The following ALG13 variants were observed in gnomAD, a reference collection of about 807,000 sequenced individuals.
The protein encoded by ALG13 is ALG13 UDP-N-acetylglucosaminyltransferase subunit.
Under a neutral mutation model 87.8 loss-of-function variants are expected in ALG13, and 11 were observed. The ratio of observed to expected loss-of-function variants is 0.13; its 90% CI spans 0.08 to 0.21. The LOEUF (loss-of-function observed/expected upper bound fraction) is 0.21, where lower values mean the gene tolerates loss of function less well. ALG13 is among the 10% of genes least tolerant of loss of function. The pLI, the probability that ALG13 is intolerant of heterozygous loss-of-function variation, is 1.00. For missense variants in ALG13, 756 were observed against 866.1 expected (o/e 0.87, Z 1.60); for synonymous variants, 320 against 306.3 (o/e 1.04, Z -0.47).
intron 5 of ALG13, among the ~76,000 whole-genome samples, chrX:111,709,460 T>G (rs1939349517): frequency 8.9e-6 from 1 of 112,199 alleles, no homozygotes; most frequent in Admixed American, 9.4e-5. Context: ...ATTTTCTTGC[T>G]TAATCCTGTG....
chrX:111,707,541 G>A (rs1939004277), intron 3 of ALG13, among the ~76,000 whole-genome samples: 1 of 111,706 alleles, frequency 9.0e-6, no homozygotes, highest in African/African-American at 3.3e-5. Context: ...GCCCTCTGCC[G>A]CTATAGATTA....
In ALG13 at chrX:111,757,672, A is replaced by G. The variant is rs3027818; in HGVS notation, c.3058A>G (p.Thr1020Ala). ...TCATGTAGAGAATTATCCAGTCTATACTGAGCCACCTCTGGTAGATCAAAC... is the reference window on the plus strand; with the variant it reads ...TCATGTAGAGAATTATCCAGTCTATGCTGAGCCACCTCTGGTAGATCAAAC... The part of the protein sequence containing the change: ...QLHVENYPVY[T>A]EPPLVDQTVP... Residue 1020 changes from threonine (T) to alanine (A), a missense_variant, in exon 26 of 27, where the codon ACT (threonine) becomes GCT (alanine). Around this residue, in one of 9 missense-constraint regions of ALG13, gnomAD observed 110 missense variants for 104.9 expected, o/e 1.05. Transcript: ENST00000394780. 321 of 1,207,107 alleles carry G rather than the reference A, an allele frequency of 2.7e-4. No individual in the cohort carries two copies. In the South Asian group the frequency reaches 4.8e-3, roughly 18 times the overall value.
At chrX:111,712,255 A>C (rs1446240858) in intron 6 of ALG13, among the ~76,000 whole-genome samples, 2 of 111,589 alleles carry the variant, frequency 1.8e-5, no homozygotes, top group East Asian at 5.6e-4. Context: ...TCTCCTATTA[A>C]CTGTCCTTAT....
intron 3 of ALG13, among the ~76,000 whole-genome samples, chrX:111,705,490 G>A (rs965555563): frequency 2.7e-5 from 3 of 111,274 alleles, no homozygotes; most frequent in East Asian, 2.8e-4. Flanking sequence ...TGATAAAATC[G>A]AGTTAATTTT....
intron 3 of ALG13, among the ~76,000 whole-genome samples, chrX:111,691,343 C>T (rs1936113778): frequency 9.0e-6 from 1 of 111,188 alleles, no homozygotes; most frequent in East Asian, 2.8e-4. Context: ...TCAGGTGATC[C>T]TCCCACCTTG....
In ALG13 at chrX:111,757,728, A is replaced by C. The variant is rs1362271060; in HGVS notation, c.3114A>C (p.Arg1038Ser). 1 of 1,210,000 alleles carries C rather than the reference A, an allele frequency of 8.3e-7. No individual in the cohort carries two copies. Residue 1038 changes from arginine (R) to serine (S), a missense_variant, in exon 26 of 27, where the codon AGA (arginine) becomes AGC (serine). Physicochemically the swap from Arg to Ser is moderately radical, Grantham distance 110. Around this residue, in one of 9 missense-constraint regions of ALG13, gnomAD observed 110 missense variants for 104.9 expected, o/e 1.05. Transcript: ENST00000394780. ...TVPQCYSEVR[R>S]EDGIQAEASA... ...CTCAATGCTACAGTGAGGTGAGGAG[A>C]GAAGATGGCATACAGGCGGAAGCAT... is the stretch of plus-strand genomic sequence containing the variant.
In ALG13 at chrX:111,718,300, G is replaced by C. The variant is rs775681955; in HGVS notation, c.1250+26G>C. On this transcript the variant is annotated intron_variant, in intron 10 of 26. Transcript: ENST00000394780. ...GTAATAAAGGGAAAGGGGATATCAT[G>C]ATAATTATGTTTCATACTTCTGTGC... is the stretch of plus-strand genomic sequence containing the variant. 7.0e-6 allele frequency: 8 copies of C among 1,143,907 alleles called. 1 individual carries two copies. In the South Asian group the frequency reaches 1.6e-4, roughly 23 times the overall value. The allele number at this position is 1,143,907 out of a possible 1,213,427, so 94.3% of individuals were successfully genotyped here. A position where few individuals can be genotyped will look rare whatever the true frequency, so the allele number is the denominator to read the frequency against.
At chrX:111,684,039 C>G (rs181667111) in intron 2 of ALG13, among the ~76,000 whole-genome samples, 1 of 112,255 alleles carries the variant, frequency 8.9e-6, no homozygotes, top group East Asian at 2.8e-4. Context: ...TAGAGTTTTT[C>G]AACTTTATGG....
Position 111,740,654 on chromosome X carries a change from A to C in ALG13, c.2695+3775A>C, listed in dbSNP as rs747920194. On this transcript the variant is annotated intron_variant, in intron 23 of 26. Transcript: ENST00000394780. ...TAGCAAGGAACATATCAAAGAGTATAGGCATTATGTCAGAAGGACTCAGAA... is the reference window on the plus strand; with the variant it reads ...TAGCAAGGAACATATCAAAGAGTATCGGCATTATGTCAGAAGGACTCAGAA... 8.1e-5 allele frequency among the ~76,000 whole-genome samples: 9 copies of C among 111,213 alleles called. No individual in the cohort carries two copies. In the South Asian group the frequency reaches 3.4e-3, roughly 42 times the overall value.
rs1476078391 is a variant in ALG13 at position 111,686,255 on chromosome X, T to C, written c.383+1152T>C. On this transcript the variant is annotated intron_variant, in intron 3 of 26. Transcript: ENST00000394780. ...AAGTAAATGCCTCATAGAATTACTA[T>C]ATATGTGTATATATATATTTATTTA... The C allele has an allele frequency of 9.6e-6, 4 of 416,987 alleles. No individual in the cohort carries two copies. The African/African-American group carries it at 1.0e-4, about 11-fold the overall frequency. 34.4% of individuals were successfully genotyped at this position (416,987 alleles called of 1,213,427 possible).
intron 3 of ALG13, among the ~76,000 whole-genome samples, chrX:111,698,471 T>C (rs1937275392): frequency 1.8e-5 from 2 of 111,482 alleles, no homozygotes; most frequent in African/African-American, 3.3e-5. Flanking sequence ...GTCCTCTGTC[T>C]GTCTGAAGCT....
In ALG13 at chrX:111,744,994, G is replaced by A. The variant is rs190310678; in HGVS notation, c.2932+90G>A. Reference sequence around the variant, plus strand: ...CTCTTTGGTTGACCTATTGGGGAATGGGGAACCAAATGAAAATTGACTTGA... The same window carrying A: ...CTCTTTGGTTGACCTATTGGGGAATAGGGAACCAAATGAAAATTGACTTGA... On this transcript the variant is annotated intron_variant, in intron 24 of 26. Transcript: ENST00000394780. 1.3e-5 allele frequency: 10 copies of A among 777,335 alleles called. No individual in the cohort carries two copies. The East Asian group carries it at 3.4e-4, about 26-fold the overall frequency. The allele number at this position is 777,335 out of a possible 1,213,427, so 64.1% of individuals were successfully genotyped here. A position where few individuals can be genotyped will look rare whatever the true frequency, so the allele number is the denominator to read the frequency against.
intron 23 of ALG13, among the ~76,000 whole-genome samples, chrX:111,743,069 C>A (rs192624594): frequency 2.1e-3 from 235 of 111,626 alleles, no homozygotes; most frequent in African/African-American, 7.5e-3. Context: ...GACAAAGTAA[C>A]CTCCAAATTG....
At chrX:111,689,428 A>ATT (rs1935730662) in intron 3 of ALG13, 3 of 751,110 alleles carry the variant, frequency 4.0e-6, no homozygotes, top group African/African-American at 2.3e-5. Context: ...GTCTACTCAA[A>ATT]TATCAGACAA....
intron 24 of ALG13, among the ~76,000 whole-genome samples, chrX:111,747,845 G>A (rs959481656): frequency 2.7e-5 from 3 of 112,099 alleles, no homozygotes; most frequent in African/African-American, 9.7e-5. Context: ...TATTGAGTAA[G>A]AATATGTTTT....
chrX:111,717,084 A>G (rs989219987), intron 8 of ALG13: 1 of 111,001 alleles, frequency 9.0e-6, no homozygotes, highest in Non-Finnish European at 1.9e-5. Context: ...CTATAGGCAC[A>G]CACCATCCCA....
At chrX:111,690,008 A>G in intron 3 of ALG13, 1 of 751,194 alleles carries the variant, frequency 1.3e-6, no homozygotes, top group Non-Finnish European at 1.6e-6. Context: ...TAGGATTGAT[A>G]GTAGATTGAA....
chrX:111,727,201 T>C (rs747067954), intron 16 of ALG13, 131 bp from the exon 17 acceptor site: 1 of 891,253 alleles, frequency 1.1e-6, no homozygotes, highest in African/African-American at 2.0e-5. Flanking sequence ...CTAATGCCAG[T>C]ATTGCAGAGA....
At chrX:111,694,107 G>T (rs767786934) in intron 3 of ALG13, among the ~76,000 whole-genome samples, 1 of 109,456 alleles carries the variant, frequency 9.1e-6, no homozygotes, top group South Asian at 4.0e-4. Context: ...GCAGTGGCGC[G>T]GTCTCTGCTC....
Sources: allele counts gnomAD v4.1 joint callset (sites outside exome capture counted in the v4.1 genomes callset), GRCh38; gene constraint gnomAD v4.1.1; regional missense constraint gnomAD v4.1.1; transcripts MANE v1.5; gene names NCBI Gene and HGNC (gene_info 2026-07-23, HGNC 2026-07-21).